Variants in EHBP1 observed in about 807,000 individuals in gnomAD.
EHBP1 encodes the protein EH domain binding protein 1.
A neutral mutation model predicts 144.0 loss-of-function variants in EHBP1; 55 were observed. That is an observed-to-expected ratio of 0.38 (90% CI 0.31 to 0.48). The LOEUF is 0.48. EHBP1 is among the 20% of genes least tolerant of loss of function. EHBP1 has a pLI of 0.98. For missense variants in EHBP1, 1,200 were observed against 1,364.2 expected (o/e 0.88, Z 1.90); for synonymous variants, 469 against 472.7 (o/e 0.99, Z 0.10).
chr2:62,971,066 G>A (rs1049962370), intron 14 of EHBP1, among the ~76,000 whole-genome samples: 1 of 152,164 alleles, frequency 6.6e-6, no homozygotes, highest in Non-Finnish European at 1.5e-5. Flanking sequence ...AGTTTTACTA[G>A]TGCATCTATC....
In EHBP1 at chr2:63,039,221, T is replaced by C. The variant is rs553680486; in HGVS notation, c.3277+405T>C. ...ATTTTACTTTAATTGATGTCAACAT[T>C]GAAATATGTTCCTGTTCAGTCTACT... On this transcript the variant is annotated intron_variant, in intron 21 of 22. Transcript: ENST00000431489. Among the ~76,000 whole-genome samples, 130 of 152,316 alleles carry C rather than the reference T, an allele frequency of 8.5e-4. 1 individual carries two copies. Among genetic ancestry groups the C allele is most frequent in the African/African-American group, 3.0e-3 (124 of 41,578 alleles).
intron 8 of EHBP1, among the ~76,000 whole-genome samples, chr2:62,864,267 C>T (rs2049875641): frequency 6.6e-6 from 1 of 152,176 alleles, no homozygotes; most frequent in Non-Finnish European, 1.5e-5. Flanking sequence ...ACTGCAACGT[C>T]CCTGGGAACT....
chr2:63,032,458 C>A (rs1163666035), intron 19 of EHBP1, among the ~76,000 whole-genome samples: 1 of 147,340 alleles, frequency 6.8e-6, no homozygotes, highest in African/African-American at 2.5e-5. Flanking sequence ...GTCCCAGCTA[C>A]TTGGAGGCTG....
chr2:62,683,173 C>G (rs1376381240), intron 1 of EHBP1, among the ~76,000 whole-genome samples: 1 of 152,140 alleles, frequency 6.6e-6, no homozygotes, highest in Non-Finnish European at 1.5e-5. Flanking sequence ...ATCTCTGTAT[C>G]TCTCAGCTTG....
intron 1 of EHBP1, among the ~76,000 whole-genome samples, chr2:62,690,737 A>G (rs1044790539): frequency 6.6e-6 from 1 of 152,086 alleles, no homozygotes; most frequent in African/African-American, 2.4e-5. Context: ...ACACTTAACT[A>G]ACCATATGGA....
At chr2:62,747,346 CT>C in intron 2 of EHBP1, 48 bp from the exon 3 acceptor site, 1 of 1,563,426 alleles carries the variant, frequency 6.4e-7, no homozygotes, top group Non-Finnish European at 8.7e-7. Context: ...TAAAATGAAA[CT>C]TTATTTATTT....
chr2:63,037,159 A>C (rs915685335), intron 19 of EHBP1, among the ~76,000 whole-genome samples: 1 of 151,954 alleles, frequency 6.6e-6, no homozygotes, highest in Non-Finnish European at 1.5e-5. Flanking sequence ...TGCTAGTCTT[A>C]TGAGTCTCAT....
At chr2:62,683,758 G>A (rs1013592105) in intron 1 of EHBP1, among the ~76,000 whole-genome samples, 1 of 151,912 alleles carries the variant, frequency 6.6e-6, no homozygotes, top group Non-Finnish European at 1.5e-5. Context: ...TTAATGTCAG[G>A]TGGGCAAAAC....
In EHBP1 at chr2:62,988,038, G is replaced by A. The variant is rs374301553; in HGVS notation, c.2609-2678G>A. 5.1e-6 allele frequency: 8 copies of A among 1,565,612 alleles called. No homozygotes were observed. The highest frequency in any genetic ancestry group is 2.3e-5 in the East Asian group (1 of 44,116). On this transcript the variant is annotated intron_variant, in intron 15 of 22. Coordinates refer to ENST00000431489, the MANE Select transcript of EHBP1 (RefSeq NM_001142616.3). Reference sequence around the variant, plus strand: ...CTTAGAAAATGACCTTGATACTCCCGGTAATTTCAAATTATAAATGTTTTG... The same window carrying A: ...CTTAGAAAATGACCTTGATACTCCCAGTAATTTCAAATTATAAATGTTTTG...
chr2:62,998,273 G>A (rs1342931722), intron 19 of EHBP1, among the ~76,000 whole-genome samples: 1 of 152,028 alleles, frequency 6.6e-6, no homozygotes, highest in East Asian at 1.9e-4. Context: ...ATATACTTGT[G>A]TGGATTCAGC....
At chr2:62,972,396 A>G (rs1223012563) in intron 14 of EHBP1, among the ~76,000 whole-genome samples, 1 of 152,222 alleles carries the variant, frequency 6.6e-6, no homozygotes, top group Non-Finnish European at 1.5e-5. Flanking sequence ...CATAGATTTT[A>G]TTGCTATCTA....
intron 3 of EHBP1, among the ~76,000 whole-genome samples, chr2:62,756,910 A>G (rs2040342933): frequency 1.3e-5 from 2 of 152,148 alleles, no homozygotes. Flanking sequence ...TGAAAAAGAA[A>G]TCTTGAGAGT....
intron 21 of EHBP1, among the ~76,000 whole-genome samples, chr2:63,041,326 G>C: frequency 6.6e-6 from 1 of 151,938 alleles, no homozygotes; most frequent in South Asian, 2.1e-4. Context: ...TTTTCCTATA[G>C]TTTTTTTTGT....
chr2:62,785,562 A>C (rs541681780), intron 5 of EHBP1, among the ~76,000 whole-genome samples: 1 of 152,194 alleles, frequency 6.6e-6, no homozygotes, highest in East Asian at 1.9e-4. Context: ...AGAGAACACA[A>C]AGGAAGAATT....
At chr2:62,914,181 T>C (rs1273215097) in intron 10 of EHBP1, among the ~76,000 whole-genome samples, 3 of 152,134 alleles carry the variant, frequency 2.0e-5, no homozygotes, top group Non-Finnish European at 2.9e-5. Context: ...TAGAGCTAAA[T>C]GAGAGTGGGA....
intron 5 of EHBP1, among the ~76,000 whole-genome samples, chr2:62,781,376 C>T (rs1270474388): frequency 3.3e-5 from 5 of 151,858 alleles, no homozygotes; most frequent in African/African-American, 1.2e-4. Context: ...AAAACCTGAC[C>T]TTACCCAAAA....
chr2:62,798,122 G>A (rs770605595), intron 5 of EHBP1, among the ~76,000 whole-genome samples: 24 of 152,004 alleles, frequency 1.6e-4, no homozygotes, highest in Non-Finnish European at 3.2e-4. Context: ...ATCCTAGCAC[G>A]TTGGGAGGCC....
chr2:62,864,858 G>A lies in EHBP1; in HGVS notation c.885G>A (p.Val295=). The A allele has an allele frequency of 6.2e-7, 1 of 1,614,006 alleles. No individual in the cohort carries two copies. Among genetic ancestry groups the A allele is most frequent in the Non-Finnish European group, 8.5e-7 (1 of 1,179,972 alleles). The change falls in exon 9 of 23, where the codon GTG becomes GTA. Residue 295 remains valine, a synonymous_variant. Coordinates refer to ENST00000431489, the MANE Select transcript of EHBP1 (RefSeq NM_001142616.3). The part of the protein sequence containing the change: ...LNPFDEPEAF[V]TIKDSPPQST... ...CATTCGATGAGCCAGAAGCATTTGTGACCATAAAGGATTCTCCTCCCCAGT... is the reference window on the plus strand; with the variant it reads ...CATTCGATGAGCCAGAAGCATTTGTAACCATAAAGGATTCTCCTCCCCAGT...
At chr2:62,729,187 C>T (rs1339161139) in intron 2 of EHBP1, among the ~76,000 whole-genome samples, 1 of 146,894 alleles carries the variant, frequency 6.8e-6, no homozygotes, top group Non-Finnish European at 1.5e-5. Flanking sequence ...AGAGTTTGTC[C>T]TTATTCTTTT....
Sources: gnomAD v4.1 joint callset for allele counts (sites outside exome capture counted in the v4.1 genomes callset) on GRCh38, gnomAD v4.1.1 for gene constraint, MANE v1.5 for transcripts, NCBI Gene and HGNC (gene_info 2026-07-23, HGNC 2026-07-21) for gene names.